The following NAALADL2 variants were observed in gnomAD, a reference collection of about 807,000 sequenced individuals.
NAALADL2 encodes the protein inactive N-acetylated-alpha-linked acidic dipeptidase-like protein 2.
NAALADL2 carries 76 observed loss-of-function variants against 87.2 expected under a neutral mutation model. The observed-to-expected ratio is 0.87, with a 90% CI of 0.72 to 1.05. The LOEUF is 1.05. NAALADL2 is among the 50% of genes least tolerant of loss of function. The pLI, the probability that NAALADL2 is intolerant of heterozygous loss-of-function variation, is 0.00. For missense variants in NAALADL2, 1,089 were observed against 945.8 expected, an observed-to-expected ratio of 1.15 and a Z score of -1.99; for synonymous variants, 354 against 331.0, an observed-to-expected ratio of 1.07 and a Z score of -0.75.
At chr3:174,643,526 C>T (rs1381480389) in intron 2 of NAALADL2, among the ~76,000 whole-genome samples, 8 of 151,754 alleles carry the variant, frequency 5.3e-5, no homozygotes, top group Non-Finnish European at 1.0e-4. Flanking sequence ...TGGTGGTGGG[C>T]GCCTGTAATC....
chr3:174,887,759 G>A (rs937148003), intron 1 of NAALADL2, among the ~76,000 whole-genome samples: 9 of 151,736 alleles, frequency 5.9e-5, no homozygotes, highest in South Asian at 2.1e-4. Context: ...TCACAATACT[G>A]TTCTCCAGCT....
chr3:175,485,603 A>G (rs895908970), intron 9 of NAALADL2, among the ~76,000 whole-genome samples: 1 of 152,200 alleles, frequency 6.6e-6, no homozygotes, highest in Non-Finnish European at 1.5e-5. Flanking sequence ...CTGATGTTCA[A>G]TGGCAGGAAT....
intron 13 of NAALADL2, among the ~76,000 whole-genome samples, chr3:175,787,390 C>T (rs1471680544): frequency 6.6e-6 from 1 of 152,194 alleles, no homozygotes; most frequent in East Asian, 1.9e-4. Flanking sequence ...ACCCTCCGAG[C>T]CAGGTGCGGG....
At chr3:175,524,303 A>G (rs904001587) in intron 9 of NAALADL2, among the ~76,000 whole-genome samples, 4 of 152,214 alleles carry the variant, frequency 2.6e-5, no homozygotes, top group Non-Finnish European at 4.4e-5. Context: ...ATATTAGATT[A>G]TCTAGAGCAA....
intron 3 of NAALADL2, among the ~76,000 whole-genome samples, chr3:174,785,262 A>G (rs975871855): frequency 1.3e-5 from 2 of 152,132 alleles, no homozygotes; most frequent in African/African-American, 4.8e-5. Flanking sequence ...AGTTGGTGCA[A>G]AAATAATTGT....
At chr3:174,949,392 G>C (rs1274073828) in intron 1 of NAALADL2, among the ~76,000 whole-genome samples, 5 of 152,110 alleles carry the variant, frequency 3.3e-5, no homozygotes, top group Admixed American at 1.3e-4. Flanking sequence ...AGTTCCAAGG[G>C]GTGGGGAGGG....
intron 10 of NAALADL2, among the ~76,000 whole-genome samples, chr3:175,605,860 A>G (rs1415667826): frequency 6.6e-6 from 1 of 152,156 alleles, no homozygotes; most frequent in East Asian, 1.9e-4. Context: ...TTGCATCACT[A>G]GAGCATATAC....
intron 5 of NAALADL2, among the ~76,000 whole-genome samples, chr3:175,443,882 G>T (rs1186053089): frequency 2.6e-5 from 4 of 152,128 alleles, no homozygotes; most frequent in African/African-American, 9.7e-5. Flanking sequence ...ATAGCACACA[G>T]AGCTGAGGTT....
chr3:175,679,433 A>G (rs1735293522), intron 11 of NAALADL2, among the ~76,000 whole-genome samples: 1 of 152,194 alleles, frequency 6.6e-6, no homozygotes, highest in Non-Finnish European at 1.5e-5. Flanking sequence ...GAATGATTCT[A>G]AAGTAAGAAA....
At chr3:175,202,347 A>T (rs535703755) in intron 2 of NAALADL2, among the ~76,000 whole-genome samples, 1 of 152,110 alleles carries the variant, frequency 6.6e-6, no homozygotes, top group Admixed American at 6.5e-5. Context: ...CTCCTCTCTG[A>T]TCTATGCATC....
chr3:175,053,569 G>T (rs949893143), intron 1 of NAALADL2, among the ~76,000 whole-genome samples: 3 of 152,176 alleles, frequency 2.0e-5, no homozygotes, highest in African/African-American at 7.2e-5. Context: ...ATCCAAATTG[G>T]CTGTTGATTC....
intron 13 of NAALADL2, among the ~76,000 whole-genome samples, chr3:175,769,831 A>G (rs1221945663): frequency 2.6e-5 from 4 of 152,146 alleles, no homozygotes; most frequent in Non-Finnish European, 5.9e-5. Context: ...TCTGTGGACA[A>G]TGAAGGCTGA....
At chr3:174,705,154 T>TCA (rs1374418323) in intron 2 of NAALADL2, among the ~76,000 whole-genome samples, 6 of 151,924 alleles carry the variant, frequency 3.9e-5, no homozygotes, top group African/African-American at 7.2e-5. Flanking sequence ...CAGGGCACAC[T>TCA]CACACACACA....
chr3:174,521,312 A>G (rs1200757024), intron 1 of NAALADL2, among the ~76,000 whole-genome samples: 1 of 152,160 alleles, frequency 6.6e-6, no homozygotes, highest in Non-Finnish European at 1.5e-5. Context: ...GTCATAAAAA[A>G]GAATAAAATG....
rs1279019007 is a variant in NAALADL2, at chr3:174,750,034, GA to G, written c.-9+12294del. ...AATTACAAATATAAATAGGTTTACA[GA>G]AAAAAGCCTATTTTCTTTCCACCGT... On this transcript the variant is annotated intron_variant, in intron 3 of 3. Coordinates refer to the NAALADL2 transcript ENST00000434257. 2.0e-5 allele frequency among the ~76,000 whole-genome samples: 3 copies of G among 152,208 alleles called. No homozygotes were observed. In the South Asian group the frequency reaches 6.2e-4, roughly 32 times the overall value.
intron 9 of NAALADL2, among the ~76,000 whole-genome samples, chr3:175,495,741 T>A (rs2193844): frequency 0.11 from 16,733 of 152,060 alleles, 1,102 homozygotes; most frequent in African/African-American, 0.19. Context: ...TCTTCTCCTC[T>A]GTGTTTTTGA....
intron 2 of NAALADL2, among the ~76,000 whole-genome samples, chr3:175,204,221 A>G (rs1329097917): frequency 6.6e-6 from 1 of 152,180 alleles, no homozygotes; most frequent in Non-Finnish European, 1.5e-5. Flanking sequence ...ACCAAATCCA[A>G]CAACATATGA....
At chr3:175,526,419 T>C in intron 9 of NAALADL2, among the ~76,000 whole-genome samples, 1 of 152,186 alleles carries the variant, frequency 6.6e-6, no homozygotes, top group Admixed American at 6.5e-5. Context: ...ATTCCAAAAA[T>C]AGTTGGAAAA....
intron 11 of NAALADL2, among the ~76,000 whole-genome samples, chr3:175,703,521 T>A (rs1351889854): frequency 6.6e-6 from 1 of 152,126 alleles, no homozygotes; most frequent in Non-Finnish European, 1.5e-5. Flanking sequence ...GGCGGGCGGA[T>A]CACCTGAGGT....
Sources: gnomAD v4.1 joint callset for allele counts (sites outside exome capture counted in the v4.1 genomes callset) on GRCh38, gnomAD v4.1.1 for gene constraint, MANE v1.5 for transcripts, NCBI Gene and HGNC (gene_info 2026-07-23, HGNC 2026-07-21) for gene names.